Variants in SND1 observed in about 807,000 individuals in gnomAD.
SND1 encodes staphylococcal nuclease domain-containing protein 1.
A neutral mutation model predicts 121.7 loss-of-function variants in SND1; 38 were observed. That is an observed-to-expected ratio of 0.31 (90% CI 0.24 to 0.41). The LOEUF (loss-of-function observed/expected upper bound fraction) is 0.41, where lower values mean the gene tolerates loss of function less well. Ranked by LOEUF, SND1 falls within the 10% of genes least tolerant of loss-of-function variation. The pLI is 1.00. For missense variants in SND1, 868 were observed against 1,184.6 expected, an observed-to-expected ratio of 0.73 and a Z score of 3.92; for synonymous variants, 401 against 447.4, an observed-to-expected ratio of 0.90 and a Z score of 1.31.
intron 10 of SND1, among the ~76,000 whole-genome samples, chr7:127,797,018 G>A (rs537074644): frequency 2.1e-4 from 32 of 148,852 alleles, no homozygotes; most frequent in East Asian, 8.5e-4. Flanking sequence ...TCAGCCTCCC[G>A]AGTAGCTGGG....
At chr7:128,054,531 C>T (rs183618107) in intron 16 of SND1, among the ~76,000 whole-genome samples, 10 of 152,330 alleles carry the variant, frequency 6.6e-5, no homozygotes, top group Non-Finnish European at 7.3e-5. Context: ...ATGCCTTGCA[C>T]GGAGGTTGGC....
chr7:127,847,947 C>T (rs1233615187), intron 12 of SND1, among the ~76,000 whole-genome samples: 2 of 152,168 alleles, frequency 1.3e-5, no homozygotes, highest in Non-Finnish European at 2.9e-5. Flanking sequence ...GGACTTTAAA[C>T]TTGGCCATTT....
At chr7:127,744,630 A>G (rs1054024237) in intron 10 of SND1, among the ~76,000 whole-genome samples, 12 of 152,190 alleles carry the variant, frequency 7.9e-5, no homozygotes, top group African/African-American at 2.9e-4. Context: ...GGAATCACCT[A>G]TGTATGATCA....
chr7:127,824,834 C>T (rs941013185), intron 11 of SND1, among the ~76,000 whole-genome samples: 1 of 152,138 alleles, frequency 6.6e-6, no homozygotes. Context: ...GCTTTACAAA[C>T]CTCTAATCTT....
chr7:127,662,890 CTTTTTT>C lies in SND1; in HGVS notation c.78+10454_78+10459del, dbSNP rs34629378. On this transcript the variant is annotated intron_variant, in intron 1 of 23. Coordinates refer to ENST00000354725, the MANE Select transcript of SND1 (RefSeq NM_014390.4). ...ATAACCCGTGCACAACCTCTTTTATCTTTTTTTTTTTTTTTTTTTTGAGACAGAATC... is the reference window on the plus strand; with the variant it reads ...ATAACCCGTGCACAACCTCTTTTATCTTTTTTTTTTTTTTGAGACAGAATC... Among the ~76,000 whole-genome samples, 84 of 122,502 alleles carry C rather than the reference CTTTTTT, an allele frequency of 6.9e-4. 1 individual carries two copies. Among genetic ancestry groups the C allele is most frequent in the African/African-American group, 2.4e-3 (80 of 33,336 alleles). The allele number at this position is 122,502 out of a possible 152,430, so 80.4% of individuals were successfully genotyped here. A position where few individuals can be genotyped will look rare whatever the true frequency, so the allele number is the denominator to read the frequency against.
rs1038655790 is a variant in SND1 at position 127,955,910 on chromosome 7, C to T, written c.1669+26581C>T. ...TATACCCTGTTCATCCTTCTAGCTT[C>T]GTTACCCACATTCCCCCACCATCCG... On this transcript the variant is annotated intron_variant, in intron 15 of 23. Transcript: ENST00000354725. Among the ~76,000 whole-genome samples the T allele has an allele frequency of 4.6e-5, 7 of 152,110 alleles. No individual in the cohort carries two copies. In the East Asian group the frequency reaches 1.4e-3, roughly 29 times the overall value.
intron 16 of SND1, among the ~76,000 whole-genome samples, chr7:128,069,658 C>G (rs779296776): frequency 1.3e-5 from 2 of 152,134 alleles, no homozygotes; most frequent in Non-Finnish European, 2.9e-5. Context: ...TTATGATGAT[C>G]GTGTTGAAGC....
chr7:127,886,932 T>C (rs1320190036), intron 12 of SND1, among the ~76,000 whole-genome samples: 1 of 151,468 alleles, frequency 6.6e-6, no homozygotes, highest in African/African-American at 2.4e-5. Flanking sequence ...GTAGCTCCCA[T>C]GGAGTATTGC....
chr7:127,664,058 C>A (rs764207956), intron 1 of SND1, among the ~76,000 whole-genome samples: 1 of 152,162 alleles, frequency 6.6e-6, no homozygotes, highest in Non-Finnish European at 1.5e-5. Flanking sequence ...GAGACAAGGT[C>A]TCTGTTGCTC....
chr7:127,867,949 GC>G (rs1182928857), intron 12 of SND1, among the ~76,000 whole-genome samples: 1 of 151,344 alleles, frequency 6.6e-6, no homozygotes, highest in Non-Finnish European at 1.5e-5. Flanking sequence ...TCTGCTCTCT[GC>G]CTGGAACATA....
chr7:128,032,791 C>G (rs950688478), intron 16 of SND1, among the ~76,000 whole-genome samples: 1 of 152,178 alleles, frequency 6.6e-6, no homozygotes. Context: ...TGCCGCCAGC[C>G]CCTCCTTCGC....
In SND1 at chr7:128,015,128, T is replaced by C. The variant is rs1229412875; in HGVS notation, c.1779+24072T>C. On this transcript the variant is annotated intron_variant, in intron 16 of 23. Coordinates refer to ENST00000354725, the MANE Select transcript of SND1 (RefSeq NM_014390.4). This position sits in a 1 kb window ranked among gnomAD's most constrained non-coding sequence, Gnocchi z 4.5. ...CGCCTTCTGTCTGAGCCAACCTTGA[T>C]TCACAGTAGTGCAGATGGCCCCAGC... Among the ~76,000 whole-genome samples the C allele has an allele frequency of 1.3e-5, 2 of 152,210 alleles. No homozygotes were observed. Among genetic ancestry groups the C allele is most frequent in the East Asian group, 3.9e-4 (2 of 5,192 alleles).
chr7:128,069,963 T>G (rs1400064146), intron 16 of SND1, among the ~76,000 whole-genome samples: 1 of 152,144 alleles, frequency 6.6e-6, no homozygotes, highest in Admixed American at 6.5e-5. Context: ...CCGGAGAAAG[T>G]GGCATTGAAG....
intron 16 of SND1, among the ~76,000 whole-genome samples, chr7:128,025,763 C>T (rs1193688207): frequency 1.3e-5 from 2 of 152,176 alleles, no homozygotes; most frequent in African/African-American, 2.4e-5. Flanking sequence ...ACTCTCCCTG[C>T]AGCTCTGAGG....
At chr7:127,652,563 C>G (rs1795141163) in intron 1 of SND1, 112 bp downstream of exon 1, 2 of 877,196 alleles carry the variant, frequency 2.3e-6, no homozygotes, top group Non-Finnish European at 1.7e-6. Flanking sequence ...TTCCTCTGCC[C>G]CCTTCCTCAC....
intron 10 of SND1, among the ~76,000 whole-genome samples, chr7:127,729,439 CTTTTTTT>C (rs10712716): frequency 2.1e-5 from 2 of 97,358 alleles, no homozygotes; most frequent in African/African-American, 3.8e-5. Flanking sequence ...AGATAAATTA[CTTTTTTT>C]TTTTTTTTTT....
At position 127,704,278 on chromosome 7, in the gene SND1, G is replaced by T. The variant is rs1029476228; in HGVS notation, c.841-561G>T. ...TTCTTCCATGATGGCAGTTGTGGAA[G>T]GTTGAAAGGCTTGGTTTGGGGTGTG... is the stretch of plus-strand genomic sequence containing the variant. On this transcript the variant is annotated intron_variant, in intron 7 of 23. Coordinates refer to ENST00000354725, the MANE Select transcript of SND1 (RefSeq NM_014390.4). Among the ~76,000 whole-genome samples, 6 of 152,320 alleles carry T rather than the reference G, an allele frequency of 3.9e-5. No individual in the cohort carries two copies. In the East Asian group the frequency reaches 1.2e-3, roughly 29 times the overall value.
At chr7:128,084,910 G>A in intron 19 of SND1, 63 bp downstream of exon 19, 2 of 1,514,266 alleles carry the variant, frequency 1.3e-6, no homozygotes, top group Non-Finnish European at 8.9e-7. Flanking sequence ...CTGTCCTCAG[G>A]CCTCAGGTGT....
At chr7:127,898,133 C>A (rs1486619327) in intron 13 of SND1, among the ~76,000 whole-genome samples, 1 of 152,112 alleles carries the variant, frequency 6.6e-6, no homozygotes, top group Non-Finnish European at 1.5e-5. Flanking sequence ...CTTTCCTCCC[C>A]CTTACCTGCC....
Sources: allele counts gnomAD v4.1 joint callset (sites outside exome capture counted in the v4.1 genomes callset), GRCh38; gene constraint gnomAD v4.1.1; non-coding constraint Gnocchi (gnomAD v3.1); transcripts MANE v1.5; gene names NCBI Gene and HGNC (gene_info 2026-07-23, HGNC 2026-07-21).